ABCB5: variants seen among roughly 807,000 people sequenced by gnomAD.
The protein encoded by ABCB5 is ATP binding cassette subfamily B member 5, also known as ATP-binding cassette sub-family B member 5.
A neutral mutation model predicts 144.2 loss-of-function variants in ABCB5; 155 were observed. The ratio of observed to expected loss-of-function variants is 1.08; its 90% confidence interval spans 0.94 to 1.23. The LOEUF (loss-of-function observed/expected upper bound fraction) is 1.23. Ranked by LOEUF, ABCB5 falls within the 50% of genes most tolerant of loss-of-function variation. The pLI is 0.00. For synonymous variants in ABCB5, 610 were observed against 528.6 expected (o/e 1.15, Z -2.11); for missense variants, 1,830 against 1,520.8 (o/e 1.20, Z -3.38).
intron 1 of ABCB5, among the ~76,000 whole-genome samples, chr7:20,619,107 C>T (rs771844871): frequency 6.6e-6 from 1 of 152,074 alleles, no homozygotes; most frequent in South Asian, 2.1e-4. Context: ...AATTCACCAT[C>T]GAAGGCACCC....
rs1244979695 is a variant in ABCB5 at position 20,647,520 on chromosome 7, T to G, written c.982-15T>G. ...AACTGCAGAAAGATAAATATCACTTTGTTTGTTCCTGTAGGTTTTCTTTAG... is the reference window on the plus strand; with the variant it reads ...AACTGCAGAAAGATAAATATCACTTGGTTTGTTCCTGTAGGTTTTCTTTAG... On this transcript the variant is annotated splice_polypyrimidine_tract_variant and intron_variant, in intron 9 of 27. Coordinates refer to ENST00000404938, the MANE Select transcript of ABCB5 (RefSeq NM_001163941.2). 6.5e-7 allele frequency: 1 copy of G among 1,534,870 alleles called. No individual in the cohort carries two copies. Among genetic ancestry groups the G allele is most frequent in the Non-Finnish European group, 8.7e-7 (1 of 1,144,278 alleles).
At chr7:20,633,732 A>G (rs1038517480) in intron 5 of ABCB5, among the ~76,000 whole-genome samples, 1 of 152,076 alleles carries the variant, frequency 6.6e-6, no homozygotes, top group Non-Finnish European at 1.5e-5. Flanking sequence ...CTATCTACCT[A>G]TAACTTTAGC....
rs550687915 is a variant in ABCB5 at position 20,747,766 on chromosome 7, T to C, written c.3429+2328T>C. Among the ~76,000 whole-genome samples the C allele has an allele frequency of 1.1e-4, 16 of 152,278 alleles. 2 individuals are homozygous for C. The South Asian group carries it at 3.3e-3, about 32-fold the overall frequency. ...AAATTTTAACTTTAATTTACCTTCATGTCATTGTTCCCCCAAAAACACGTA... is the reference window on the plus strand; with the variant it reads ...AAATTTTAACTTTAATTTACCTTCACGTCATTGTTCCCCCAAAAACACGTA... On this transcript the variant is annotated intron_variant, in intron 26 of 27. Transcript: ENST00000404938.
intron 14 of ABCB5, among the ~76,000 whole-genome samples, chr7:20,678,338 A>G (rs989336492): frequency 1.3e-5 from 2 of 152,174 alleles, no homozygotes; most frequent in African/African-American, 4.8e-5. Flanking sequence ...CTGCTTCATC[A>G]AGTTTATCTA....
intron 27 of ABCB5, among the ~76,000 whole-genome samples, chr7:20,754,999 G>A (rs1046813949): frequency 6.6e-6 from 1 of 151,366 alleles, no homozygotes; most frequent in Admixed American, 6.6e-5. Context: ...ACTTAGGCTG[G>A]AGTGCAATGG....
At chr7:20,675,879 C>A (rs574998636) in intron 14 of ABCB5, among the ~76,000 whole-genome samples, 5 of 152,034 alleles carry the variant, frequency 3.3e-5, no homozygotes, top group African/African-American at 1.2e-4. Flanking sequence ...AGACATTTCT[C>A]CAAAAAAGAC....
chr7:20,648,955 A>T (rs1784495298), intron 11 of ABCB5, among the ~76,000 whole-genome samples: 1 of 152,146 alleles, frequency 6.6e-6, no homozygotes, highest in Non-Finnish European at 1.5e-5. Context: ...ACATTTTGCA[A>T]CTGTATTTGG....
chr7:20,652,940 A>C (rs1267489534), intron 13 of ABCB5, among the ~76,000 whole-genome samples: 2 of 123,188 alleles, frequency 1.6e-5, no homozygotes, highest in Non-Finnish European at 3.9e-5. Flanking sequence ...TTTTTAATTT[A>C]AAAAATTTGT....
chr7:20,649,226 T>C (rs557459995), intron 11 of ABCB5, among the ~76,000 whole-genome samples: 2 of 152,290 alleles, frequency 1.3e-5, no homozygotes, highest in East Asian at 3.9e-4. Context: ...CTCACCTCCT[T>C]CAGAGAACTT....
intron 15 of ABCB5, among the ~76,000 whole-genome samples, chr7:20,684,879 G>A (rs531810003): frequency 4.6e-5 from 7 of 152,184 alleles, no homozygotes; most frequent in African/African-American, 1.7e-4. Flanking sequence ...TCTTCCCCAC[G>A]TTGGCCAGAC....
chr7:20,618,944 T>G (rs538226930), intron 1 of ABCB5, among the ~76,000 whole-genome samples: 78 of 151,854 alleles, frequency 5.1e-4, no homozygotes, highest in Non-Finnish European at 9.3e-4. Flanking sequence ...CAGGCTAATT[T>G]TTGTACCTTT....
intron 20 of ABCB5, among the ~76,000 whole-genome samples, chr7:20,712,986 C>T (rs112463413): frequency 0.025 from 3,744 of 149,620 alleles, 374 homozygotes; most frequent in African/African-American, 0.083. Context: ...CGATATACAA[C>T]AGATCTCTTA....
intron 16 of ABCB5, among the ~76,000 whole-genome samples, chr7:20,688,531 C>G (rs1268347968): frequency 2.0e-5 from 3 of 152,160 alleles, no homozygotes; most frequent in Non-Finnish European, 2.9e-5. Context: ...GGACTGTAAA[C>G]TAGTTCAACC....
intron 24 of ABCB5, among the ~76,000 whole-genome samples, chr7:20,740,627 T>C (rs1782531891): frequency 6.6e-6 from 1 of 152,202 alleles, no homozygotes; most frequent in Non-Finnish European, 1.5e-5. Context: ...ACAGTATTGC[T>C]ACTCCTATTT....
At chr7:20,632,159 T>C (rs76859629) in intron 5 of ABCB5, 46 bp downstream of exon 5, 2 of 1,309,592 alleles carry the variant, frequency 1.5e-6, no homozygotes, top group Admixed American at 6.0e-5. Context: ...GAATGATGCT[T>C]TATTTAAAGC....
chr7:20,753,400 C>G lies in ABCB5; in HGVS notation c.3470C>G (p.Ser1157Cys). 6.2e-7 allele frequency: 1 copy of G among 1,614,152 alleles called. No homozygotes were observed. The highest frequency in any genetic ancestry group is 8.5e-7 in the Non-Finnish European group (1 of 1,180,004). The change falls in exon 27 of 28, where the codon TCT becomes TGT. Residue 1157 changes from serine (S) to cysteine (C), a missense_variant. Coordinates refer to ENST00000404938, the MANE Select transcript of ABCB5 (RefSeq NM_001163941.2). The stretch of plus-strand genomic sequence containing the variant: ...GTTGGACTGAAAGGAGCACAGCTTT[C>G]TGGCGGCCAGAAACAAAGACTAGCT... Reference protein sequence around the residue: ...TQVGLKGAQLSGGQKQRLAIA... With the variant: ...TQVGLKGAQLCGGQKQRLAIA...
In ABCB5 at chr7:20,647,511, A is replaced by G. The variant is rs893250086; in HGVS notation, c.982-24A>G. 3.9e-6 allele frequency: 6 copies of G among 1,530,118 alleles called. No individual in the cohort carries two copies. The African/African-American group carries it at 8.4e-5, about 21-fold the overall frequency. The allele number at this position is 1,530,118 out of a possible 1,614,324, so 94.8% of individuals were successfully genotyped here. ...TTCTTATATAACTGCAGAAAGATAA[A>G]TATCACTTTGTTTGTTCCTGTAGGT... On this transcript the variant is annotated intron_variant, in intron 9 of 27. Coordinates refer to ENST00000404938, the MANE Select transcript of ABCB5 (RefSeq NM_001163941.2).
chr7:20,719,935 C>T lies in ABCB5; in HGVS notation c.2422-3081C>T, dbSNP rs561667123. ...TATAGATGTAAATGTGTGTTTGTAC[C>T]TATCAATACACACACACACACACAC... is the stretch of plus-strand genomic sequence containing the variant. On this transcript the variant is annotated intron_variant, in intron 20 of 27. Coordinates refer to ENST00000404938, the MANE Select transcript of ABCB5 (RefSeq NM_001163941.2). Among the ~76,000 whole-genome samples, 378 of 121,022 alleles carry T rather than the reference C, an allele frequency of 3.1e-3. 2 individuals are homozygous for T. Among genetic ancestry groups the T allele is most frequent in the Middle Eastern group, 0.012 (3 of 254 alleles). 79.4% of individuals were successfully genotyped at this position (121,022 alleles called of 152,430 possible). A position where few individuals can be genotyped will look rare whatever the true frequency, so the allele number is the denominator to read the frequency against.
intron 13 of ABCB5, among the ~76,000 whole-genome samples, chr7:20,652,628 T>C (rs1169975982): frequency 6.6e-6 from 1 of 152,194 alleles, no homozygotes; most frequent in Non-Finnish European, 1.5e-5. Context: ...TGAAATCATA[T>C]TTGGAAAGCA....
Sources: allele counts gnomAD v4.1 joint callset (sites outside exome capture counted in the v4.1 genomes callset), GRCh38; gene constraint gnomAD v4.1.1; transcripts MANE v1.5; gene names NCBI Gene and HGNC (gene_info 2026-07-23, HGNC 2026-07-21).